The following PATJ variants were observed in gnomAD, a reference collection of about 807,000 sequenced individuals.
PATJ encodes inaD-like protein.
In PATJ, 190 loss-of-function variants were observed where a neutral mutation model predicts 224.9. The observed-to-expected ratio is 0.84, with a 90% CI of 0.75 to 0.95. PATJ has a LOEUF of 0.95. PATJ is among the 40% of genes least tolerant of loss of function. The pLI is 0.00. For synonymous variants in PATJ, 769 were observed against 820.3 expected, an observed-to-expected ratio of 0.94 and a Z score of 1.07; for missense variants, 2,121 against 2,270.3, an observed-to-expected ratio of 0.93 and a Z score of 1.34.
chr1:61,968,359 C>T (rs942064227), intron 27 of PATJ, among the ~76,000 whole-genome samples: 4 of 152,122 alleles, frequency 2.6e-5, no homozygotes, highest in South Asian at 2.1e-4. Flanking sequence ...CAACGTTAGC[C>T]GTAAATACCT....
At chr1:61,941,294 A>G (rs1475671275) in intron 27 of PATJ, among the ~76,000 whole-genome samples, 1 of 152,198 alleles carries the variant, frequency 6.6e-6, no homozygotes, top group African/African-American at 2.4e-5. Context: ...TTATTATTCT[A>G]CCTTGTAGCA....
At chr1:62,121,694 G>A (rs1479768773) in intron 38 of PATJ, among the ~76,000 whole-genome samples, 7 of 151,834 alleles carry the variant, frequency 4.6e-5, no homozygotes, top group Non-Finnish European at 5.9e-5. Flanking sequence ...GCTTGAAACT[G>A]GCGGGGGTGG....
intron 39 of PATJ, 119 bp from the exon 40 acceptor site, chr1:62,127,853 A>G (rs1192858088): frequency 5.3e-6 from 5 of 937,054 alleles, no homozygotes; most frequent in Non-Finnish European, 8.0e-6. Flanking sequence ...TTTAACTCCT[A>G]TGTTATCCTG....
intron 5 of PATJ, 125 bp from the exon 6 acceptor site, chr1:61,771,302 TTAAA>T (rs1317096272): frequency 7.6e-6 from 4 of 528,046 alleles, no homozygotes; most frequent in African/African-American, 4.0e-5. Context: ...TGTTATATAA[TTAAA>T]TAATTTATTT....
chr1:62,038,841 G>A, intron 30 of PATJ: 2 of 710,808 alleles, frequency 2.8e-6, no homozygotes. Context: ...CGGTGGGTGG[G>A]ATGGAGGCGA....
chr1:61,958,499 C>G (rs1571505199), intron 27 of PATJ, among the ~76,000 whole-genome samples: 3 of 152,096 alleles, frequency 2.0e-5, no homozygotes, highest in African/African-American at 7.2e-5. Flanking sequence ...ACCTTAAAGC[C>G]CTCTATGGTT....
intron 26 of PATJ, among the ~76,000 whole-genome samples, chr1:61,915,246 T>C (rs966676349): frequency 2.6e-5 from 4 of 152,236 alleles, no homozygotes; most frequent in African/African-American, 9.6e-5. Flanking sequence ...ACTGTCCCAC[T>C]GTTTTAAAAT....
intron 41 of PATJ, among the ~76,000 whole-genome samples, chr1:62,147,193 AATGGGAGACAATGGGATGGG>A (rs1668123655): frequency 6.6e-6 from 1 of 152,080 alleles, no homozygotes; most frequent in Non-Finnish European, 1.5e-5. Flanking sequence ...GATGGGATGG[AATGGGAGACAATGGGATGGG>A]ATAATATGTT....
chr1:61,915,235 T>C (rs1349649035), intron 26 of PATJ, among the ~76,000 whole-genome samples: 1 of 152,228 alleles, frequency 6.6e-6, no homozygotes, highest in Non-Finnish European at 1.5e-5. Flanking sequence ...CTTGGGGAAT[T>C]ACTGTCCCAC....
intron 22 of PATJ, among the ~76,000 whole-genome samples, chr1:61,896,122 C>T (rs1224161219): frequency 1.3e-5 from 2 of 152,066 alleles, no homozygotes; most frequent in African/African-American, 4.8e-5. Flanking sequence ...CATGGTGAAA[C>T]CCTGTCTCTA....
At chr1:61,762,297 C>T (rs1245484665) in intron 1 of PATJ, among the ~76,000 whole-genome samples, 1 of 151,932 alleles carries the variant, frequency 6.6e-6, no homozygotes, top group Non-Finnish European at 1.5e-5. Context: ...TTTTTTGGGT[C>T]AGGTTTCTTT....
chr1:61,957,684 G>A (rs901433159), intron 27 of PATJ, among the ~76,000 whole-genome samples: 3 of 152,190 alleles, frequency 2.0e-5, no homozygotes, highest in African/African-American at 2.4e-5. Context: ...GTAAAGAAAA[G>A]TCTTATTGTT....
At chr1:62,034,597 T>C (rs1022616141) in intron 29 of PATJ, among the ~76,000 whole-genome samples, 1 of 152,200 alleles carries the variant, frequency 6.6e-6, no homozygotes, top group Admixed American at 6.5e-5. Flanking sequence ...GGTTGCCGTC[T>C]TCCTACTTTT....
At chr1:61,757,080 C>CA (rs373893175) in intron 1 of PATJ, among the ~76,000 whole-genome samples, 1 of 129,194 alleles carries the variant, frequency 7.7e-6, no homozygotes, top group African/African-American at 2.9e-5. Context: ...GTCACTTTTA[C>CA]TTTTTTTTTT....
intron 43 of PATJ, among the ~76,000 whole-genome samples, chr1:62,156,842 G>C (rs1669270617): frequency 6.7e-6 from 1 of 149,124 alleles, no homozygotes; most frequent in Non-Finnish European, 1.5e-5. Context: ...CTTGAGCCCA[G>C]GAGGTGAAAT....
In PATJ at chr1:61,827,493, T is replaced by G. The variant is rs1410132855; in HGVS notation, c.1890T>G (p.Pro630=). ...CCTTTCTTAAAGAAGTGCCACCCCCTTTTACTTTGGTTTGCTGTCGGAGGT... is the reference window on the plus strand; with the variant it reads ...CCTTTCTTAAAGAAGTGCCACCCCCGTTTACTTTGGTTTGCTGTCGGAGGT... ...AVSFLKEVPP[P]FTLVCCRRLF... Residue 630 remains proline (P), a synonymous_variant, in exon 16 of 44, where the codon CCT becomes CCG. Coordinates refer to ENST00000642238, the MANE Select transcript of PATJ (RefSeq NM_001350145.3). The G allele has an allele frequency of 2.5e-6, 4 of 1,613,838 alleles. No individual in the cohort carries two copies. Among genetic ancestry groups the G allele is most frequent in the Admixed American group, 3.3e-5 (2 of 59,976 alleles).
In PATJ at chr1:61,924,197, G is replaced by A. The variant is rs145009554; in HGVS notation, c.3571-3533G>A. Among the ~76,000 whole-genome samples the A allele has an allele frequency of 3.2e-3, 488 of 151,868 alleles. 1 individual carries two copies. Among genetic ancestry groups the A allele is most frequent in the African/African-American group, 0.011 (465 of 41,428 alleles). On this transcript the variant is annotated intron_variant, in intron 26 of 43. Coordinates refer to ENST00000642238, the MANE Select transcript of PATJ (RefSeq NM_001350145.3). The stretch of plus-strand genomic sequence containing the variant: ...AGCCTGACCAACATGGTGAAACCCC[G>A]TCTCTTCCAAAAATACAAAAATTAG...
intron 25 of PATJ, among the ~76,000 whole-genome samples, chr1:61,909,864 G>C (rs1672371295): frequency 6.6e-6 from 1 of 152,184 alleles, no homozygotes; most frequent in Non-Finnish European, 1.5e-5. Context: ...TTGCATGCTT[G>C]TAATCTGCCT....
chr1:61,744,089 G>A (rs1006895014), intron 1 of PATJ, among the ~76,000 whole-genome samples: 1 of 152,072 alleles, frequency 6.6e-6, no homozygotes, highest in Non-Finnish European at 1.5e-5. Context: ...GCTTAGGCAG[G>A]AGGATCGCTT....
Sources: gnomAD v4.1 joint callset for allele counts (sites outside exome capture counted in the v4.1 genomes callset) on GRCh38, gnomAD v4.1.1 for gene constraint, MANE v1.5 for transcripts, NCBI Gene and HGNC (gene_info 2026-07-23, HGNC 2026-07-21) for gene names.